The following DSC1 variants were observed in gnomAD, a reference collection of about 807,000 sequenced individuals.
The protein encoded by DSC1 is desmocollin-1.
In DSC1, 79 loss-of-function variants were observed where a neutral mutation model predicts 98.8. The observed-to-expected ratio is 0.80, with a 90% CI of 0.67 to 0.96. DSC1 has a LOEUF of 0.96. Among genes scored for constraint, DSC1 ranks in the 50% least tolerant of loss-of-function variants. The pLI, the probability that DSC1 is intolerant of heterozygous loss-of-function variation, is 0.00. For synonymous variants in DSC1, 405 were observed against 372.1 expected, an observed-to-expected ratio of 1.09 and a Z score of -1.02; for missense variants, 1,115 against 1,075.9, an observed-to-expected ratio of 1.04 and a Z score of -0.51.
Position 31,130,107 on chromosome 18 carries a change from T to A in DSC1, c.*407A>T, listed in dbSNP as rs950793999. On this transcript the variant is annotated 3_prime_UTR_variant, in exon 16 of 16. Coordinates refer to ENST00000257198, the MANE Select transcript of DSC1 (RefSeq NM_024421.2). ...CACCAACTATGTTCTAAGAACATAATTCTCCCCAAGATTTTGAAGAACATA... is the reference window on the plus strand; with the variant it reads ...CACCAACTATGTTCTAAGAACATAAATCTCCCCAAGATTTTGAAGAACATA... 1.2e-5 allele frequency: 2 copies of A among 167,442 alleles called. No individual in the cohort carries two copies. The highest frequency in any genetic ancestry group is 4.8e-5 in the African/African-American group (2 of 41,696). The allele number at this position is 167,442 out of a possible 1,614,324, so 10.4% of individuals were successfully genotyped here.
chr18:31,162,267 A>T lies in DSC1; in HGVS notation c.63+265T>A, dbSNP rs568242835. On this transcript the variant is annotated intron_variant, in intron 1 of 15. Coordinates refer to ENST00000257198, the MANE Select transcript of DSC1 (RefSeq NM_024421.2). ...GAATTCACTTCTCTACTCTTAGAAAATCACCACAGCAGGATGGAAGAGGGA... is the reference window on the plus strand; with the variant it reads ...GAATTCACTTCTCTACTCTTAGAAATTCACCACAGCAGGATGGAAGAGGGA... 3.9e-5 allele frequency among the ~76,000 whole-genome samples: 6 copies of T among 152,258 alleles called. No homozygotes were observed. The South Asian group carries it at 1.2e-3, about 32-fold the overall frequency.
chr18:31,142,271 A>T, intron 8 of DSC1, 87 bp from the exon 9 acceptor site: 1 of 1,409,664 alleles, frequency 7.1e-7, no homozygotes, highest in East Asian at 2.5e-5. Context: ...AGAAAAAAAT[A>T]AATAAAGTGA....
chr18:31,148,225 G>T (rs1051043129), intron 6 of DSC1, among the ~76,000 whole-genome samples: 9 of 152,074 alleles, frequency 5.9e-5, no homozygotes, highest in African/African-American at 2.2e-4. Flanking sequence ...AATAAATGCT[G>T]CCAGAATTAT....
chr18:31,145,888 A>AACTAATCTAC, intron 6 of DSC1, 111 bp from the exon 7 acceptor site: 2 of 1,158,052 alleles, frequency 1.7e-6, no homozygotes, highest in Non-Finnish European at 2.4e-6. Flanking sequence ...CCACAAGTAG[A>AACTAATCTAC]TTAGTTCTAC....
chr18:31,144,886 T>C (rs1350296893), intron 7 of DSC1, among the ~76,000 whole-genome samples: 2 of 151,866 alleles, frequency 1.3e-5, no homozygotes, highest in African/African-American at 2.4e-5. Flanking sequence ...GAAGGCTATG[T>C]GTGTTGGGAG....
Position 31,143,735 on chromosome 18 carries a change from GA to G in DSC1, c.995del (p.Phe332SerfsTer32). The G allele has an allele frequency of 1.9e-6, 3 of 1,602,896 alleles. No homozygotes were observed. The highest frequency in any genetic ancestry group is 2.3e-5 in the East Asian group (1 of 44,366). ...TAATTGTTCCTGTATTAAATAAACC[GA>G]AAGGCTGACCACCCATGTCTCGCAC... Reference protein sequence around the residue: ...MEVRDMGGQPFGLFNTGTITI... With the variant: ...MEVRDMGGQPXGLFNTGTITI... On this transcript the variant is annotated frameshift_variant, in exon 8 of 16. Coordinates refer to ENST00000257198, the MANE Select transcript of DSC1 (RefSeq NM_024421.2). LOFTEE classifies it high-confidence loss of function.
chr18:31,143,143 T>C (rs1988770146), intron 8 of DSC1, among the ~76,000 whole-genome samples: 1 of 151,652 alleles, frequency 6.6e-6, no homozygotes, highest in Admixed American at 6.6e-5. Context: ...ACATCACACA[T>C]ATATATATTT....
intron 3 of DSC1, among the ~76,000 whole-genome samples, chr18:31,156,519 C>A (rs1989101598): frequency 6.6e-6 from 1 of 152,218 alleles, no homozygotes; most frequent in Non-Finnish European, 1.5e-5. Context: ...TTAAAACCCT[C>A]ACTCCACAAT....
intron 9 of DSC1, 72 bp from the exon 10 acceptor site, chr18:31,140,373 T>C: frequency 1.4e-6 from 2 of 1,420,558 alleles, no homozygotes; most frequent in Non-Finnish European, 1.9e-6. Flanking sequence ...CAAATTTTCC[T>C]ACAAAGGAAT....
At chr18:31,156,947 A>G (rs1447531971) in intron 3 of DSC1, among the ~76,000 whole-genome samples, 3 of 152,200 alleles carry the variant, frequency 2.0e-5, no homozygotes, top group Non-Finnish European at 4.4e-5. Context: ...AGTAAGCTTT[A>G]AACAGTCTCT....
In DSC1 at chr18:31,140,109, G is replaced by A. The variant is rs74652634; in HGVS notation, c.1453C>T (p.Pro485Ser). Residue 485 changes from proline (P) to serine (S), a missense_variant, in exon 10 of 16, where the codon CCA becomes TCA. By Grantham distance (74) the Pro-to-Ser change is moderately conservative (BLOSUM62 -1). Coordinates refer to ENST00000257198, the MANE Select transcript of DSC1 (RefSeq NM_024421.2). ...VKVIQSQDGF[P>S]AGQELLGYKA... ...TATCCAAGGAGTTCTTGGCCAGCTGGGAAGCCATCTTGACTCTGAATAACT... is the reference window on the plus strand; with the variant it reads ...TATCCAAGGAGTTCTTGGCCAGCTGAGAAGCCATCTTGACTCTGAATAACT... 2.9e-3 allele frequency: 4,703 copies of A among 1,613,954 alleles called. 165 individuals are homozygous for A. The East Asian group carries it at 0.078, about 27-fold the overall frequency.
chr18:31,147,414 C>T (rs892371208), intron 6 of DSC1, among the ~76,000 whole-genome samples: 9 of 152,000 alleles, frequency 5.9e-5, no homozygotes, highest in Middle Eastern at 3.2e-3. Flanking sequence ...CTAATCTAAC[C>T]AGTTAGTAAC....
intron 15 of DSC1, chr18:31,130,919 G>A (rs1988474495): frequency 7.4e-7 from 1 of 1,350,284 alleles, no homozygotes; most frequent in East Asian, 2.3e-5. Flanking sequence ...CTTCTAGTGA[G>A]CACATTTAAA....
chr18:31,135,958 A>C (rs1988600721), intron 11 of DSC1, among the ~76,000 whole-genome samples: 1 of 152,086 alleles, frequency 6.6e-6, no homozygotes, highest in Non-Finnish European at 1.5e-5. Context: ...AAATAACCCT[A>C]AGTCATATCA....
chr18:31,161,751 G>C lies in DSC1; in HGVS notation c.63+781C>G, dbSNP rs990512745. 3.3e-5 allele frequency among the ~76,000 whole-genome samples: 5 copies of C among 152,094 alleles called. 1 individual carries two copies. The highest frequency in any genetic ancestry group is 2.6e-4 in the Admixed American group (4 of 15,258). ...ATCTGAGTTATCGTCTCCCTAAGCAGTTACAGGATGAGAAGGTGACCATCA... is the reference window on the plus strand; with the variant it reads ...ATCTGAGTTATCGTCTCCCTAAGCACTTACAGGATGAGAAGGTGACCATCA... On this transcript the variant is annotated intron_variant, in intron 1 of 15. Coordinates refer to ENST00000257198, the MANE Select transcript of DSC1 (RefSeq NM_024421.2).
rs909395818 is a variant in DSC1 at position 31,152,881 on chromosome 18, A to T, written c.627+1893T>A. ...ATTCTATCCTGCTTCAAGTGATTTTATAATTGCATCAGGTTTACATCTTGT... is the reference window on the plus strand; with the variant it reads ...ATTCTATCCTGCTTCAAGTGATTTTTTAATTGCATCAGGTTTACATCTTGT... On this transcript the variant is annotated intron_variant, in intron 5 of 15. Transcript: ENST00000257198. Among the ~76,000 whole-genome samples, 4 of 124,842 alleles carry T rather than the reference A, an allele frequency of 3.2e-5. No individual in the cohort carries two copies. In the Admixed American group the frequency reaches 3.7e-4, roughly 11 times the overall value. The allele number at this position is 124,842 out of a possible 152,430, so 81.9% of individuals were successfully genotyped here.
chr18:31,156,303 T>A, intron 3 of DSC1, 141 bp from the exon 4 acceptor site: 1 of 952,990 alleles, frequency 1.0e-6, no homozygotes. Flanking sequence ...TTTCTATTGA[T>A]AAAACACACA....
chr18:31,136,098 TA>T (rs1216162371), intron 11 of DSC1, among the ~76,000 whole-genome samples: 1 of 151,920 alleles, frequency 6.6e-6, no homozygotes, highest in Non-Finnish European at 1.5e-5. Context: ...TGAACAAATT[TA>T]AAAATATCCA....
rs73406923 is a variant in DSC1, at chr18:31,161,445, C to A, written c.63+1087G>T. ...TCCACTCCCACCCCCATCTTCTTTCCTTCTTGTCCTAGGATTCCATGTTGA... is the reference window on the plus strand; with the variant it reads ...TCCACTCCCACCCCCATCTTCTTTCATTCTTGTCCTAGGATTCCATGTTGA... On this transcript the variant is annotated intron_variant, in intron 1 of 15. Transcript: ENST00000257198. Among the ~76,000 whole-genome samples the A allele has an allele frequency of 4.4e-3, 670 of 152,084 alleles. 3 individuals are homozygous for A. Among genetic ancestry groups the A allele is most frequent in the African/African-American group, 0.015 (640 of 41,456 alleles).
Sources: allele counts gnomAD v4.1 joint callset (sites outside exome capture counted in the v4.1 genomes callset), GRCh38; gene constraint gnomAD v4.1.1; transcripts MANE v1.5; gene names NCBI Gene and HGNC (gene_info 2026-07-23, HGNC 2026-07-21).